SGCZ: variants seen among roughly 807,000 people sequenced by gnomAD.
SGCZ encodes the protein sarcoglycan zeta.
A neutral mutation model predicts 41.3 loss-of-function variants in SGCZ; 40 were observed. That is an observed-to-expected ratio of 0.97 (90% confidence interval 0.75 to 1.26). SGCZ has a LOEUF of 1.26. Among genes scored for constraint, SGCZ ranks in the 50% most tolerant of loss-of-function variants. The probability of loss-of-function intolerance (pLI) is 0.00; values close to 1 mark genes in which losing one functional copy is unlikely to be tolerated. For synonymous variants in SGCZ, 206 were observed against 137.5 expected (o/e 1.50, Z -3.49); for missense variants, 552 against 369.8 (o/e 1.49, Z -4.04).
At chr8:14,325,972 C>A (rs1429227616) in intron 2 of SGCZ, among the ~76,000 whole-genome samples, 3 of 148,820 alleles carry the variant, frequency 2.0e-5, no homozygotes, top group African/African-American at 7.4e-5. Context: ...ATTAGCCGGG[C>A]TTGGTGGCGG....
chr8:15,075,406 G>A (rs1442911506), intron 1 of SGCZ, among the ~76,000 whole-genome samples: 1 of 152,116 alleles, frequency 6.6e-6, no homozygotes, highest in Non-Finnish European at 1.5e-5. Context: ...TTAAAAGCAT[G>A]CTGAACTTTA....
At chr8:14,493,008 G>A (rs1476110832) in intron 2 of SGCZ, among the ~76,000 whole-genome samples, 1 of 151,962 alleles carries the variant, frequency 6.6e-6, no homozygotes, top group African/African-American at 2.4e-5. Context: ...TCTAACCTGG[G>A]CTATGGTGAC....
Position 15,132,284 on chromosome 8 carries a change from C to T in SGCZ, c.39+105301G>A, listed in dbSNP as rs17120987. Among the ~76,000 whole-genome samples the T allele has an allele frequency of 4.8e-3, 729 of 152,330 alleles. 4 individuals are homozygous for T. Among genetic ancestry groups the T allele is most frequent in the African/African-American group, 0.016 (682 of 41,560 alleles). ...AGACCCGCAGCATCATAATCTTTTA[C>T]TTGCCTGTAGACACTGTGTATGTAA... is the stretch of plus-strand genomic sequence containing the variant. On this transcript the variant is annotated intron_variant, in intron 1 of 7. Transcript: ENST00000382080.
Position 14,100,562 on chromosome 8 carries a change from A to AATTT in SGCZ, c.744+1813_744+1814insAAAT, listed in dbSNP as rs398073223. 4.5e-3 allele frequency among the ~76,000 whole-genome samples: 611 copies of AATTT among 135,390 alleles called. 3 individuals are homozygous for AATTT. The highest frequency in any genetic ancestry group is 7.1e-3 in the Non-Finnish European group (455 of 63,804). 88.8% of individuals were successfully genotyped at this position (135,390 alleles called of 152,430 possible). A position where few individuals can be genotyped will look rare whatever the true frequency, so the allele number is the denominator to read the frequency against. On this transcript the variant is annotated intron_variant, in intron 7 of 7. Transcript: ENST00000382080. Reference sequence around the variant, plus strand: ...ATATTATACATTAGATTAATATATTATATATTAATATATTTTCAAATAATA... The same window carrying AATTT: ...ATATTATACATTAGATTAATATATTAATTTTATATTAATATATTTTCAAATAATA...
At chr8:14,684,052 C>G (rs372342816) in intron 1 of SGCZ, among the ~76,000 whole-genome samples, 1 of 152,010 alleles carries the variant, frequency 6.6e-6, no homozygotes, top group East Asian at 1.9e-4. Context: ...GTATACAGTC[C>G]TAGAGATTAT....
At chr8:14,090,760 G>T in intron 7 of SGCZ, 123 bp from the exon 8 acceptor site, 1 of 827,190 alleles carries the variant, frequency 1.2e-6, no homozygotes, top group Non-Finnish European at 1.8e-6. Flanking sequence ...TGGTTTAGCT[G>T]CCATGCTTTG....
chr8:14,093,821 A>G (rs561613179), intron 7 of SGCZ, among the ~76,000 whole-genome samples: 1 of 152,244 alleles, frequency 6.6e-6, no homozygotes, highest in South Asian at 2.1e-4. Flanking sequence ...TATTAAAATA[A>G]TGCTAATCTT....
chr8:15,031,461 A>C (rs1378951078), intron 1 of SGCZ, among the ~76,000 whole-genome samples: 1 of 152,206 alleles, frequency 6.6e-6, no homozygotes, highest in Non-Finnish European at 1.5e-5. Flanking sequence ...CCATACTATC[A>C]ATGATAGCTA....
chr8:14,841,069 AC>A (rs1802891192), intron 1 of SGCZ, among the ~76,000 whole-genome samples: 1 of 152,078 alleles, frequency 6.6e-6, no homozygotes, highest in Non-Finnish European at 1.5e-5. Context: ...AAAATGGAGA[AC>A]CAAATCCATG....
intron 2 of SGCZ, among the ~76,000 whole-genome samples, chr8:14,532,713 G>T (rs900128441): frequency 7.9e-6 from 1 of 127,036 alleles, no homozygotes; most frequent in Admixed American, 8.6e-5. Context: ...TTTGTGTGTG[G>T]GGGGAGGGCG....
In SGCZ at chr8:15,069,574, A is replaced by G. The variant is rs576977417; in HGVS notation, c.39+168011T>C. ...TTGGGAAGAGCAACCTCCAGGTTCC[A>G]TTTCTGAATTCCCCACTTTTAATTC... On this transcript the variant is annotated intron_variant, in intron 1 of 7. Coordinates refer to ENST00000382080, the MANE Select transcript of SGCZ (RefSeq NM_139167.4). Among the ~76,000 whole-genome samples the G allele has an allele frequency of 2.6e-4, 39 of 152,254 alleles. 1 individual carries two copies. Among genetic ancestry groups the G allele is most frequent in the Admixed American group, 1.0e-3 (16 of 15,288 alleles).
intron 1 of SGCZ, among the ~76,000 whole-genome samples, chr8:14,912,235 C>T (rs936569030): frequency 2.0e-5 from 3 of 151,974 alleles, no homozygotes; most frequent in Non-Finnish European, 2.9e-5. Flanking sequence ...AGAGACAGAC[C>T]CACCTTGCTC....
At chr8:14,313,784 C>G (rs1473092481) in intron 3 of SGCZ, among the ~76,000 whole-genome samples, 2 of 152,172 alleles carry the variant, frequency 1.3e-5, no homozygotes, top group Non-Finnish European at 1.5e-5. Flanking sequence ...GTTATTCACA[C>G]AAATCTGGTA....
chr8:15,207,967 T>A (rs1225290634), intron 1 of SGCZ, among the ~76,000 whole-genome samples: 3 of 152,236 alleles, frequency 2.0e-5, no homozygotes, highest in Non-Finnish European at 4.4e-5. Flanking sequence ...GTCTGTCATT[T>A]CCTTTGTTTG....
intron 1 of SGCZ, among the ~76,000 whole-genome samples, chr8:14,803,933 G>T (rs1397396390): frequency 2.2e-5 from 2 of 90,628 alleles, no homozygotes; most frequent in Non-Finnish European, 4.0e-5. Flanking sequence ...TGACCCCCGA[G>T]CCGCCTAACT....
chr8:15,046,533 C>T (rs117778866), intron 1 of SGCZ, among the ~76,000 whole-genome samples: 5,880 of 152,012 alleles, frequency 0.039, 145 homozygotes, highest in Non-Finnish European at 0.056. Flanking sequence ...TCTATGTTCC[C>T]GTCATTCTTT....
chr8:14,891,692 T>C (rs2622332), intron 1 of SGCZ, among the ~76,000 whole-genome samples: 5,857 of 152,176 alleles, frequency 0.038, 359 homozygotes, highest in African/African-American at 0.13. Context: ...GTGAGCAAAA[T>C]GCTATCAAAC....
At chr8:14,190,323 CT>C (rs923095983) in intron 4 of SGCZ, among the ~76,000 whole-genome samples, 1 of 151,470 alleles carries the variant, frequency 6.6e-6, no homozygotes, top group African/African-American at 2.4e-5. Flanking sequence ...GCGGAATCTA[CT>C]TTTTTAAGGC....
At chr8:14,910,686 T>C (rs1236529273) in intron 1 of SGCZ, among the ~76,000 whole-genome samples, 1 of 151,936 alleles carries the variant, frequency 6.6e-6, no homozygotes, top group East Asian at 1.9e-4. Context: ...AGCTATTGAT[T>C]CTTTTAAAGC....
Sources: gnomAD v4.1 joint callset for allele counts (sites outside exome capture counted in the v4.1 genomes callset) on GRCh38, gnomAD v4.1.1 for gene constraint, MANE v1.5 for transcripts, NCBI Gene and HGNC (gene_info 2026-07-23, HGNC 2026-07-21) for gene names.